The following ALK variants were observed in gnomAD, a reference collection of about 807,000 sequenced individuals.
ALK encodes ALK receptor tyrosine kinase, also known as ALK tyrosine kinase receptor.
A neutral mutation model predicts 163.1 loss-of-function variants in ALK; 74 were observed. That is an observed-to-expected ratio of 0.45 (90% CI 0.38 to 0.55). The LOEUF (loss-of-function observed/expected upper bound fraction) is 0.55, where lower values mean the gene tolerates loss of function less well. Ranked by LOEUF, ALK falls within the 20% of genes least tolerant of loss-of-function variation. ALK has a pLI of 0.00. For missense variants in ALK, 2,063 were observed against 2,105.3 expected (o/e 0.98, Z 0.39); for synonymous variants, 960 against 843.2 (o/e 1.14, Z -2.40).
At chr2:29,807,442 G>T (rs551206463) in intron 1 of ALK, among the ~76,000 whole-genome samples, 1 of 152,234 alleles carries the variant, frequency 6.6e-6, no homozygotes, top group African/African-American at 2.4e-5. Context: ...GCCAGGGAGG[G>T]CTCTGTGCTC....
intron 1 of ALK, among the ~76,000 whole-genome samples, chr2:29,738,229 G>T (rs141236536): frequency 6.6e-6 from 1 of 151,846 alleles, no homozygotes; most frequent in East Asian, 1.9e-4. Flanking sequence ...CGAGCATCAC[G>T]CCAAAAAGTC....
intron 8 of ALK, among the ~76,000 whole-genome samples, chr2:29,300,197 C>T (rs1412067688): frequency 2.0e-5 from 2 of 101,912 alleles, no homozygotes; most frequent in African/African-American, 3.0e-5. Flanking sequence ...GAAGAAGCTG[C>T]CGGTATCTTG....
intron 1 of ALK, among the ~76,000 whole-genome samples, chr2:29,760,955 A>G (rs1283576198): frequency 1.3e-5 from 2 of 152,144 alleles, no homozygotes; most frequent in Non-Finnish European, 2.9e-5. Flanking sequence ...TTCTGTCCCA[A>G]GGAAAGAAAC....
intron 4 of ALK, among the ~76,000 whole-genome samples, chr2:29,488,728 T>A (rs1558346951): frequency 6.6e-6 from 1 of 152,184 alleles, no homozygotes; most frequent in South Asian, 2.1e-4. Context: ...CGGTGTATGT[T>A]CAAAGGGAGA....
intron 1 of ALK, among the ~76,000 whole-genome samples, chr2:29,896,234 G>A (rs58531109): frequency 0.018 from 2,815 of 152,236 alleles, 74 homozygotes; most frequent in African/African-American, 0.059. Flanking sequence ...GAGACTTAAG[G>A]TACGAAGAAC....
chr2:29,312,015 C>G (rs888168723), intron 8 of ALK, among the ~76,000 whole-genome samples: 1 of 151,860 alleles, frequency 6.6e-6, no homozygotes, highest in Admixed American at 6.5e-5. Context: ...GCTGTTAAAG[C>G]ATAAACTTCC....
At chr2:29,281,131 T>C (rs1665708154) in intron 9 of ALK, among the ~76,000 whole-genome samples, 1 of 152,218 alleles carries the variant, frequency 6.6e-6, no homozygotes. Context: ...TAGACCACTC[T>C]GGGACTGAGG....
At chr2:29,446,946 A>G (rs1670699991) in intron 4 of ALK, among the ~76,000 whole-genome samples, 1 of 152,186 alleles carries the variant, frequency 6.6e-6, no homozygotes, top group African/African-American at 2.4e-5. Context: ...TCCAGTCTTC[A>G]TCAGGGTATT....
At chr2:29,532,766 A>G (rs1673154379) in intron 3 of ALK, among the ~76,000 whole-genome samples, 1 of 152,234 alleles carries the variant, frequency 6.6e-6, no homozygotes. Context: ...GTAAAAGCAC[A>G]CCACCATTAT....
chr2:29,547,582 G>C (rs535098963), intron 3 of ALK, among the ~76,000 whole-genome samples: 1 of 152,348 alleles, frequency 6.6e-6, no homozygotes, highest in Admixed American at 6.5e-5. Context: ...GGGCAACAGA[G>C]TGAGACTCTG....
chr2:29,750,333 A>C (rs935954290), intron 1 of ALK, among the ~76,000 whole-genome samples: 5 of 152,194 alleles, frequency 3.3e-5, no homozygotes, highest in African/African-American at 7.2e-5. Flanking sequence ...CAACTGTATA[A>C]CAATGGTATT....
At chr2:29,710,900 A>T (rs1306212519) in intron 2 of ALK, among the ~76,000 whole-genome samples, 1 of 152,138 alleles carries the variant, frequency 6.6e-6, no homozygotes, top group Admixed American at 6.6e-5. Context: ...GGCCATCTTC[A>T]CCTGGCTGTC....
intron 5 of ALK, among the ~76,000 whole-genome samples, chr2:29,378,503 C>T (rs1303198216): frequency 3.3e-5 from 5 of 152,024 alleles, no homozygotes; most frequent in Non-Finnish European, 5.9e-5. Context: ...CTTAGGTCTC[C>T]GTGCCTTGAT....
At chr2:29,521,478 A>G (rs1486420162) in intron 4 of ALK, among the ~76,000 whole-genome samples, 1 of 151,762 alleles carries the variant, frequency 6.6e-6, no homozygotes, top group African/African-American at 2.4e-5. Flanking sequence ...GACTTTGTGA[A>G]GCCCTTTAAA....
At position 29,783,721 on chromosome 2, in the gene ALK, G is replaced by A. The variant is rs17734060; in HGVS notation, c.668-66024C>T. 8.7e-3 allele frequency among the ~76,000 whole-genome samples: 1,321 copies of A among 152,238 alleles called. 10 individuals carry two copies. Among genetic ancestry groups the A allele is most frequent in the Middle Eastern group, 0.027 (8 of 294 alleles). On this transcript the variant is annotated intron_variant, in intron 1 of 28. Transcript: ENST00000389048. The stretch of plus-strand genomic sequence containing the variant: ...AATATAAAGTGCTCCCGAGGAGTTC[G>A]AAAGGACACAGGAAAAACACTACCC...
At chr2:29,675,170 C>G (rs189406621) in intron 3 of ALK, among the ~76,000 whole-genome samples, 6 of 152,040 alleles carry the variant, frequency 3.9e-5, no homozygotes, top group Admixed American at 3.3e-4. Context: ...TAACAACCTA[C>G]ATTTTCATTA....
rs566799668 is a variant in ALK at position 29,398,747 on chromosome 2, C to T, written c.1155-14888G>A. On this transcript the variant is annotated intron_variant, in intron 4 of 28. Transcript: ENST00000389048. ...GAGGTCAGAGGACTCTGGAATAGAC[C>T]GTGACAAAGGCTGGAAAGATGGAAT... Among the ~76,000 whole-genome samples, 14 of 152,198 alleles carry T rather than the reference C, an allele frequency of 9.2e-5. No individual in the cohort carries two copies. The East Asian group carries it at 1.9e-3, about 21-fold the overall frequency.
At chr2:29,363,378 CAT>C (rs1471729879) in intron 5 of ALK, among the ~76,000 whole-genome samples, 4 of 152,222 alleles carry the variant, frequency 2.6e-5, no homozygotes, top group African/African-American at 7.2e-5. Flanking sequence ...TAGCCTTCTC[CAT>C]GGAGTGGCGC....
intron 2 of ALK, among the ~76,000 whole-genome samples, chr2:29,710,492 C>CTG (rs1197448193): frequency 2.0e-5 from 2 of 102,126 alleles, no homozygotes; most frequent in Non-Finnish European, 4.0e-5. Context: ...CAACCTCAGT[C>CTG]TGTGTGCGTG....
Sources: gnomAD v4.1 joint callset for allele counts (sites outside exome capture counted in the v4.1 genomes callset) on GRCh38, gnomAD v4.1.1 for gene constraint, MANE v1.5 for transcripts, NCBI Gene and HGNC (gene_info 2026-07-23, HGNC 2026-07-21) for gene names.